ZNF804B: variants seen among roughly 807,000 people sequenced by gnomAD.
ZNF804B encodes zinc finger protein 804B.
A neutral mutation model predicts 101.4 loss-of-function variants in ZNF804B; 80 were observed. The observed-to-expected ratio is 0.79, with a 90% CI of 0.66 to 0.95. ZNF804B has a LOEUF of 0.95. ZNF804B is among the 40% of genes least tolerant of loss of function. The probability of loss-of-function intolerance (pLI) is 0.00; values close to 1 mark genes in which losing one functional copy is unlikely to be tolerated. For synonymous variants in ZNF804B, 622 were observed against 558.8 expected (o/e 1.11, Z -1.59); for missense variants, 1,673 against 1,561.9 (o/e 1.07, Z -1.20).
At chr7:89,133,724 A>G (rs1477859970) in intron 1 of ZNF804B, among the ~76,000 whole-genome samples, 1 of 152,072 alleles carries the variant, frequency 6.6e-6, no homozygotes, top group Non-Finnish European at 1.5e-5. Context: ...GTAGAAATAA[A>G]CGTCATGGCT....
At chr7:89,051,656 A>G (rs926536363) in intron 1 of ZNF804B, among the ~76,000 whole-genome samples, 1 of 152,116 alleles carries the variant, frequency 6.6e-6, no homozygotes, top group Non-Finnish European at 1.5e-5. Flanking sequence ...TTTGTCAATT[A>G]TGTTTCAGTT....
chr7:89,171,420 C>CTT (rs1791234458), intron 1 of ZNF804B, among the ~76,000 whole-genome samples: 1 of 71,674 alleles, frequency 1.4e-5, no homozygotes, highest in African/African-American at 5.1e-5. Flanking sequence ...TTCTTCTTCT[C>CTT]CTTCTCCTTC....
intron 1 of ZNF804B, among the ~76,000 whole-genome samples, chr7:88,841,327 C>A (rs1791289070): frequency 1.3e-5 from 2 of 152,148 alleles, no homozygotes; most frequent in Non-Finnish European, 2.9e-5. Context: ...GACTTTTGGT[C>A]ACATTGTATC....
chr7:88,870,187 C>T (rs1791797496), intron 1 of ZNF804B, among the ~76,000 whole-genome samples: 2 of 150,830 alleles, frequency 1.3e-5, no homozygotes, highest in Non-Finnish European at 2.9e-5. Flanking sequence ...GAGATCGAGA[C>T]CATCCTGGCT....
chr7:88,837,288 A>G (rs1791227450), intron 1 of ZNF804B, among the ~76,000 whole-genome samples: 1 of 152,026 alleles, frequency 6.6e-6, no homozygotes, highest in South Asian at 2.1e-4. Context: ...TAAGTGATCA[A>G]TATTTGTTGC....
chr7:88,863,222 C>T (rs1314176374), intron 1 of ZNF804B, among the ~76,000 whole-genome samples: 1 of 152,136 alleles, frequency 6.6e-6, no homozygotes, highest in Non-Finnish European at 1.5e-5. Context: ...CTCTGATACC[C>T]CTGCCCCCGA....
intron 1 of ZNF804B, among the ~76,000 whole-genome samples, chr7:88,766,902 C>CT (rs149755538): frequency 0.061 from 9,270 of 152,112 alleles, 546 homozygotes; most frequent in African/African-American, 0.15. Flanking sequence ...TGCCAGTTTT[C>CT]TTTTTTTCTT....
At chr7:88,810,668 T>TAA (rs56788857) in intron 1 of ZNF804B, among the ~76,000 whole-genome samples, 83 of 145,930 alleles carry the variant, frequency 5.7e-4, no homozygotes, top group Middle Eastern at 7.2e-3. Flanking sequence ...GTCTCACATT[T>TAA]AAAAAAAAAA....
chr7:88,766,139 AC>A (rs1006082668), intron 1 of ZNF804B, among the ~76,000 whole-genome samples: 3 of 152,100 alleles, frequency 2.0e-5, no homozygotes, highest in African/African-American at 7.2e-5. Context: ...AAGCAAGACC[AC>A]ATTTCTATAA....
chr7:89,093,447 T>C (rs1384274220), intron 1 of ZNF804B, among the ~76,000 whole-genome samples: 1 of 152,204 alleles, frequency 6.6e-6, no homozygotes, highest in Non-Finnish European at 1.5e-5. Context: ...CCCCAAAACT[T>C]CTAAAGGAGT....
At chr7:89,154,421 T>C (rs1348423862) in intron 1 of ZNF804B, among the ~76,000 whole-genome samples, 1 of 152,154 alleles carries the variant, frequency 6.6e-6, no homozygotes, top group Non-Finnish European at 1.5e-5. Context: ...TCCATGTTGG[T>C]TGCAGCACTG....
At chr7:89,014,499 G>T (rs1334342420) in intron 1 of ZNF804B, among the ~76,000 whole-genome samples, 2 of 152,114 alleles carry the variant, frequency 1.3e-5, no homozygotes, top group Non-Finnish European at 2.9e-5. Context: ...TGTATTTTTA[G>T]TAGAGACGGG....
At chr7:89,195,722 A>G (rs34207509) in intron 1 of ZNF804B, among the ~76,000 whole-genome samples, 18,515 of 151,908 alleles carry the variant, frequency 0.12, 1,214 homozygotes, top group Middle Eastern at 0.25. Flanking sequence ...TGCAAAATCA[A>G]TGTGCAAAAA....
At chr7:88,978,914 T>C (rs1793656522) in intron 1 of ZNF804B, among the ~76,000 whole-genome samples, 1 of 151,568 alleles carries the variant, frequency 6.6e-6, no homozygotes, top group African/African-American at 2.4e-5. Context: ...TTTAATTTCT[T>C]GATATATATG....
intron 1 of ZNF804B, among the ~76,000 whole-genome samples, chr7:89,083,659 A>G (rs765302012): frequency 1.3e-5 from 2 of 151,948 alleles, no homozygotes; most frequent in Non-Finnish European, 2.9e-5. Context: ...TGAAACCAAT[A>G]TAAAAACAAA....
chr7:88,934,048 A>T (rs951298250), intron 1 of ZNF804B, among the ~76,000 whole-genome samples: 7 of 152,024 alleles, frequency 4.6e-5, no homozygotes, highest in Admixed American at 2.0e-4. Flanking sequence ...CCAAAACGAC[A>T]TGGTACTGGT....
chr7:89,185,402 A>G (rs1057401768), intron 1 of ZNF804B, among the ~76,000 whole-genome samples: 6 of 152,176 alleles, frequency 3.9e-5, no homozygotes, highest in African/African-American at 1.2e-4. Flanking sequence ...CTGTTCCTAT[A>G]AAACAGTGGG....
At chr7:89,119,777 T>C (rs1442264023) in intron 1 of ZNF804B, among the ~76,000 whole-genome samples, 2 of 152,200 alleles carry the variant, frequency 1.3e-5, no homozygotes, top group African/African-American at 2.4e-5. Context: ...CTAGCCTTGT[T>C]TGATAATCCT....
chr7:88,837,165 TA>T (rs1050887388), intron 1 of ZNF804B, among the ~76,000 whole-genome samples: 1 of 151,914 alleles, frequency 6.6e-6, no homozygotes, highest in African/African-American at 2.4e-5. Flanking sequence ...GTACACAATA[TA>T]TTTTTTTTTG....
Sources: gnomAD v4.1 joint callset for allele counts (sites outside exome capture counted in the v4.1 genomes callset) on GRCh38, gnomAD v4.1.1 for gene constraint, MANE v1.5 for transcripts, NCBI Gene and HGNC (gene_info 2026-07-23, HGNC 2026-07-21) for gene names.